CSMD1: variants seen among roughly 807,000 people sequenced by gnomAD.
The protein encoded by CSMD1 is CUB and sushi domain-containing protein 1.
In CSMD1, 213 loss-of-function variants were observed where a neutral mutation model predicts 417.5. The ratio of observed to expected loss-of-function variants is 0.51; its 90% CI spans 0.46 to 0.57. CSMD1 has a LOEUF of 0.57. Among genes scored for constraint, CSMD1 ranks in the 20% least tolerant of loss-of-function variants. CSMD1 has a pLI of 0.00. For missense variants in CSMD1, 6,923 were observed against 4,529.7 expected, an observed-to-expected ratio of 1.53 and a Z score of -15.17; for synonymous variants, 2,862 against 1,736.8, an observed-to-expected ratio of 1.65 and a Z score of -16.11.
chr8:3,284,167 G>T lies in CSMD1; in HGVS notation c.4130C>A (p.Ser1377Tyr), dbSNP rs1210337382. 5.1e-6 allele frequency: 8 copies of T among 1,576,766 alleles called. No homozygotes were observed. The highest frequency in any genetic ancestry group is 6.9e-6 in the Non-Finnish European group (8 of 1,161,522). The stretch of plus-strand genomic sequence containing the variant: ...ACTGGAGAACTGGATGGAGAAGCCA[G>T]ACTTGCTGATGAAGAAGTCGCTGTC... ...QFDSDFFISK[S>Y]GFSIQFSTSI... is the part of the protein sequence containing the mutation. Residue 1377 changes from serine (S) to tyrosine (Y), a missense_variant, in exon 26 of 70, where the codon TCT becomes TAT. Physicochemically the swap from Ser to Tyr is moderately radical, Grantham distance 144 (BLOSUM62 -2). Transcript: ENST00000635120.
chr8:4,229,046 C>T (rs1014233623), intron 3 of CSMD1, among the ~76,000 whole-genome samples: 5 of 152,226 alleles, frequency 3.3e-5, no homozygotes, highest in South Asian at 4.1e-4. Context: ...TCTCAACCAC[C>T]TGGGATATCA....
intron 5 of CSMD1, among the ~76,000 whole-genome samples, chr8:3,961,393 C>T (rs958228654): frequency 1.3e-5 from 2 of 152,190 alleles, no homozygotes; most frequent in African/African-American, 4.8e-5. Context: ...CCACTGTACA[C>T]AGTTTCAGTT....
intron 21 of CSMD1, among the ~76,000 whole-genome samples, chr8:3,351,205 A>C (rs555175453): frequency 2.0e-5 from 3 of 152,326 alleles, no homozygotes; most frequent in East Asian, 1.9e-4. Context: ...CATGACCAAA[A>C]CACTTAAATG....
intron 12 of CSMD1, among the ~76,000 whole-genome samples, chr8:3,414,454 G>T (rs894827017): frequency 3.9e-5 from 6 of 152,068 alleles, no homozygotes; most frequent in Admixed American, 3.9e-4. Flanking sequence ...TTGTGCCTCA[G>T]TTCAGGTTCT....
At chr8:3,943,761 G>C (rs987031707) in intron 5 of CSMD1, among the ~76,000 whole-genome samples, 1 of 151,986 alleles carries the variant, frequency 6.6e-6, no homozygotes, top group African/African-American at 2.4e-5. Flanking sequence ...CAAAGAAACA[G>C]TTAAATAAAC....
intron 2 of CSMD1, among the ~76,000 whole-genome samples, chr8:4,447,366 T>C (rs147240499): frequency 2.0e-4 from 31 of 152,242 alleles, no homozygotes; most frequent in African/African-American, 7.0e-4. Flanking sequence ...TAAGAGGAAA[T>C]AGAAATCCCT....
rs185974805 is a variant in CSMD1 at position 4,133,205 on chromosome 8, G to C, written c.416-101106C>G. Among the ~76,000 whole-genome samples the C allele has an allele frequency of 9.5e-4, 144 of 152,052 alleles. 1 individual carries two copies. Among genetic ancestry groups the C allele is most frequent in the African/African-American group, 3.3e-3 (137 of 41,452 alleles). On this transcript the variant is annotated intron_variant, in intron 3 of 69. Coordinates refer to ENST00000635120, the MANE Select transcript of CSMD1 (RefSeq NM_033225.6). ...CCCACCTCATCCTCCCAAAGTGCTG[G>C]GATTACAGACATGAGTCACCATGCC...
intron 5 of CSMD1, among the ~76,000 whole-genome samples, chr8:3,825,621 C>G (rs556246565): frequency 3.3e-5 from 5 of 152,168 alleles, no homozygotes; most frequent in South Asian, 2.1e-4. Flanking sequence ...ACAGTTGGTT[C>G]TTAGGAAATA....
At chr8:4,031,610 C>G (rs1797350127) in intron 4 of CSMD1, among the ~76,000 whole-genome samples, 1 of 151,858 alleles carries the variant, frequency 6.6e-6, no homozygotes, top group Non-Finnish European at 1.5e-5. Context: ...TTGCTATTGA[C>G]TTTATGTGGT....
intron 1 of CSMD1, among the ~76,000 whole-genome samples, chr8:4,718,553 A>C (rs967611403): frequency 2.6e-5 from 4 of 152,120 alleles, no homozygotes; most frequent in Admixed American, 2.6e-4. Context: ...AATTTGAAAA[A>C]AGAAAGAAAA....
intron 30 of CSMD1, among the ~76,000 whole-genome samples, chr8:3,213,044 C>G (rs2081280): frequency 0.12 from 18,235 of 151,912 alleles, 1,418 homozygotes; most frequent in Admixed American, 0.19. Flanking sequence ...TAGCCATGGT[C>G]TCGAACTCCT....
chr8:3,408,824 G>A (rs976443106), intron 13 of CSMD1, among the ~76,000 whole-genome samples: 2 of 152,084 alleles, frequency 1.3e-5, no homozygotes, highest in East Asian at 3.9e-4. Flanking sequence ...TTTGGAGGGA[G>A]AAACTGTTGG....
intron 39 of CSMD1, among the ~76,000 whole-genome samples, chr8:3,157,503 A>G (rs953607492): frequency 2.0e-5 from 3 of 152,140 alleles, no homozygotes; most frequent in Admixed American, 2.0e-4. Flanking sequence ...GTCATTCTGA[A>G]TTTTCTTCCT....
At chr8:3,715,705 C>T (rs1182227618) in intron 6 of CSMD1, among the ~76,000 whole-genome samples, 1 of 151,996 alleles carries the variant, frequency 6.6e-6, no homozygotes, top group Non-Finnish European at 1.5e-5. Context: ...ACCAAACCCA[C>T]CTATTTTTTG....
intron 3 of CSMD1, among the ~76,000 whole-genome samples, chr8:4,255,655 C>G (rs1276587278): frequency 6.6e-6 from 1 of 152,126 alleles, no homozygotes; most frequent in African/African-American, 2.4e-5. Flanking sequence ...TTATTTTGGA[C>G]TTTGCTAATA....
At chr8:4,837,631 T>C (rs1167468736) in intron 1 of CSMD1, among the ~76,000 whole-genome samples, 1 of 152,066 alleles carries the variant, frequency 6.6e-6, no homozygotes, top group African/African-American at 2.4e-5. Context: ...AGGGAGTTGC[T>C]GGGGAGGTAG....
At chr8:3,570,122 A>G (rs1799883663) in intron 10 of CSMD1, among the ~76,000 whole-genome samples, 1 of 152,228 alleles carries the variant, frequency 6.6e-6, no homozygotes, top group Non-Finnish European at 1.5e-5. Flanking sequence ...GTTTTGGACA[A>G]GTTTAAAAGT....
At chr8:4,036,434 C>T (rs1051425966) in intron 3 of CSMD1, among the ~76,000 whole-genome samples, 1 of 152,140 alleles carries the variant, frequency 6.6e-6, no homozygotes, top group Non-Finnish European at 1.5e-5. Flanking sequence ...GGAAAAATAT[C>T]ATTAATGAAT....
intron 1 of CSMD1, among the ~76,000 whole-genome samples, chr8:4,825,437 G>C (rs992080906): frequency 2.0e-5 from 3 of 152,056 alleles, no homozygotes; most frequent in Non-Finnish European, 4.4e-5. Context: ...TAGACCAGCA[G>C]TTTTCTAGAA....
Sources: gnomAD v4.1 joint callset for allele counts (sites outside exome capture counted in the v4.1 genomes callset) on GRCh38, gnomAD v4.1.1 for gene constraint, MANE v1.5 for transcripts, NCBI Gene and HGNC (gene_info 2026-07-23, HGNC 2026-07-21) for gene names.